Variants in PRKN observed in about 807,000 individuals in gnomAD.
PRKN encodes the protein E3 ubiquitin-protein ligase parkin.
In PRKN, 56 loss-of-function variants were observed where a neutral mutation model predicts 59.5. The ratio of observed to expected loss-of-function variants is 0.94; its 90% CI spans 0.76 to 1.18. PRKN has a LOEUF of 1.18. Among genes scored for constraint, PRKN ranks in the 50% most tolerant of loss-of-function variants. The probability of loss-of-function intolerance (pLI) is 0.00; values close to 1 mark genes in which losing one functional copy is unlikely to be tolerated. For missense variants in PRKN, 657 were observed against 596.4 expected (o/e 1.10, Z -1.06); for synonymous variants, 250 against 222.1 (o/e 1.13, Z -1.12).
chr6:162,214,701 G>A (rs1777562994), intron 3 of PRKN, among the ~76,000 whole-genome samples: 1 of 152,128 alleles, frequency 6.6e-6, no homozygotes, highest in East Asian at 1.9e-4. Context: ...TGGCCTGGCG[G>A]AAATTTCTTA....
At chr6:162,724,987 C>T (rs1779076385) in intron 1 of PRKN, among the ~76,000 whole-genome samples, 1 of 152,194 alleles carries the variant, frequency 6.6e-6, no homozygotes, top group South Asian at 2.1e-4. Context: ...CTGTCTTTGT[C>T]CTGCCTCTGT....
chr6:161,531,535 T>C (rs1336445814), intron 9 of PRKN, among the ~76,000 whole-genome samples: 1 of 152,150 alleles, frequency 6.6e-6, no homozygotes, highest in Non-Finnish European at 1.5e-5. Flanking sequence ...CCAAGGTAGG[T>C]GGCCCAGTAA....
At chr6:161,453,709 C>G (rs1014970009) in intron 9 of PRKN, among the ~76,000 whole-genome samples, 1 of 149,064 alleles carries the variant, frequency 6.7e-6, no homozygotes, top group East Asian at 2.0e-4. Context: ...GCACAACGGT[C>G]GGTCCATCCC....
rs79614364 is a variant in PRKN, at chr6:162,070,424, T to G, written c.535-16250A>C. ...GTTAGCTGGGTAAGTTTGACTCTGC[T>G]CTATGTGGGGTCAGCTCGGATGGTT... On this transcript the variant is annotated intron_variant, in intron 4 of 11. Transcript: ENST00000366898. 4.2e-3 allele frequency among the ~76,000 whole-genome samples: 632 copies of G among 152,262 alleles called. 2 individuals are homozygous for G. The highest frequency in any genetic ancestry group is 6.6e-3 in the Non-Finnish European group (447 of 68,024).
At chr6:162,716,121 G>T (rs1439327893) in intron 1 of PRKN, among the ~76,000 whole-genome samples, 2 of 152,080 alleles carry the variant, frequency 1.3e-5, no homozygotes, top group African/African-American at 4.8e-5. Flanking sequence ...AATATTTGCC[G>T]AATTTAACAT....
chr6:161,517,671 C>A (rs151336091), intron 9 of PRKN, among the ~76,000 whole-genome samples: 1 of 132,666 alleles, frequency 7.5e-6, no homozygotes, highest in African/African-American at 2.9e-5. Context: ...ACCTGGAAGG[C>A]GGAGCTTGCA....
At chr6:161,759,085 G>A (rs531430738) in intron 7 of PRKN, among the ~76,000 whole-genome samples, 5 of 152,140 alleles carry the variant, frequency 3.3e-5, no homozygotes, top group African/African-American at 1.2e-4. Context: ...GCTGAGGCAG[G>A]AGAATAGCTT....
At chr6:161,682,088 C>T (rs1458654767) in intron 7 of PRKN, among the ~76,000 whole-genome samples, 2 of 152,206 alleles carry the variant, frequency 1.3e-5, no homozygotes, top group Non-Finnish European at 2.9e-5. Context: ...AAAGGACCAG[C>T]GCTCTGCACG....
intron 6 of PRKN, among the ~76,000 whole-genome samples, chr6:161,791,484 C>G (rs1790636404): frequency 6.6e-6 from 1 of 152,168 alleles, no homozygotes; most frequent in African/African-American, 2.4e-5. Context: ...CTCATTTGCC[C>G]TCCTTCACAC....
intron 7 of PRKN, among the ~76,000 whole-genome samples, chr6:161,587,399 C>G: frequency 6.6e-6 from 1 of 152,082 alleles, no homozygotes; most frequent in Non-Finnish European, 1.5e-5. Flanking sequence ...ATTAAGGATG[C>G]TAGTAATTAA....
intron 7 of PRKN, among the ~76,000 whole-genome samples, chr6:161,715,666 C>T (rs1245431884): frequency 6.6e-6 from 1 of 152,118 alleles, no homozygotes; most frequent in African/African-American, 2.4e-5. Context: ...TGCCCAGGCC[C>T]CAGTTTCCAT....
At chr6:162,715,915 T>A (rs571373463) in intron 1 of PRKN, among the ~76,000 whole-genome samples, 73 of 152,308 alleles carry the variant, frequency 4.8e-4, no homozygotes, top group African/African-American at 1.7e-3. Context: ...GTTGTTAAGA[T>A]CCAGCTCAAA....
chr6:162,663,837 A>C (rs1778990715), intron 1 of PRKN, among the ~76,000 whole-genome samples: 1 of 152,188 alleles, frequency 6.6e-6, no homozygotes, highest in African/African-American at 2.4e-5. Flanking sequence ...AATGTAGCTG[A>C]ATTCAGTTAT....
chr6:162,110,430 C>T (rs1290559096), intron 4 of PRKN, among the ~76,000 whole-genome samples: 2 of 152,130 alleles, frequency 1.3e-5, no homozygotes, highest in African/African-American at 2.4e-5. Flanking sequence ...CCAATGTGGA[C>T]ATATCAAAAC....
chr6:161,484,689 G>T lies in PRKN; in HGVS notation c.1083+64165C>A, dbSNP rs1791571615. Among the ~76,000 whole-genome samples, 2 of 152,138 alleles carry T rather than the reference G, an allele frequency of 1.3e-5. No individual in the cohort carries two copies. Among genetic ancestry groups the T allele is most frequent in the Non-Finnish European group, 1.5e-5 (1 of 68,036 alleles). Reference sequence around the variant, plus strand: ...ACCAGGCCATTCTCACGGGCCCGTTGTGGGCACTGCATGGTGTTTGGCACC... The same window carrying T: ...ACCAGGCCATTCTCACGGGCCCGTTTTGGGCACTGCATGGTGTTTGGCACC... On this transcript the variant is annotated intron_variant, in intron 9 of 11. Transcript: ENST00000366898. This position sits in a 1 kb window ranked among gnomAD's most constrained non-coding sequence, Gnocchi z 4.9.
intron 2 of PRKN, among the ~76,000 whole-genome samples, chr6:162,318,240 T>C (rs1252755807): frequency 6.6e-6 from 1 of 152,130 alleles, no homozygotes; most frequent in East Asian, 1.9e-4. Flanking sequence ...TGTATCAAAA[T>C]TTTATTCCTT....
In PRKN at chr6:161,385,051, T is replaced by C. The variant is rs1786174698; in HGVS notation, c.1167+1743A>G. ...TTCAAGCGATTCTCCTGCCTCAGCC[T>C]CCTGAATAGCTGGGATTACAGGTGC... On this transcript the variant is annotated intron_variant, in intron 10 of 11. Transcript: ENST00000366898. This position sits in a 1 kb window ranked among gnomAD's most constrained non-coding sequence, Gnocchi z 4.9. Among the ~76,000 whole-genome samples the C allele has an allele frequency of 6.6e-6, 1 of 152,102 alleles. No homozygotes were observed. The highest frequency in any genetic ancestry group is 1.5e-5 in the Non-Finnish European group (1 of 68,012).
chr6:161,912,370 G>A (rs1251959596), intron 6 of PRKN, among the ~76,000 whole-genome samples: 2 of 151,954 alleles, frequency 1.3e-5, no homozygotes, highest in Admixed American at 6.6e-5. Context: ...TGCTCTACTG[G>A]TGGTCACCAG....
intron 3 of PRKN, among the ~76,000 whole-genome samples, chr6:162,251,366 G>T (rs1779425567): frequency 6.6e-6 from 1 of 152,076 alleles, no homozygotes; most frequent in South Asian, 2.1e-4. Context: ...AGATTCTCAG[G>T]CCTCAACCAT....
Sources: allele counts gnomAD v4.1 joint callset (sites outside exome capture counted in the v4.1 genomes callset), GRCh38; gene constraint gnomAD v4.1.1; non-coding constraint Gnocchi (gnomAD v3.1); transcripts MANE v1.5; gene names NCBI Gene and HGNC (gene_info 2026-07-23, HGNC 2026-07-21).